Variants in PTPRK observed in about 807,000 individuals in gnomAD.
PTPRK encodes the protein receptor-type tyrosine-protein phosphatase kappa.
Under a neutral mutation model 178.0 loss-of-function variants are expected in PTPRK, and 75 were observed. That is an observed-to-expected ratio of 0.42 (90% CI 0.35 to 0.51). The LOEUF is 0.51. Ranked by LOEUF, PTPRK falls within the 20% of genes least tolerant of loss-of-function variation. The pLI, the probability that PTPRK is intolerant of heterozygous loss-of-function variation, is 0.02. For synonymous variants in PTPRK, 637 were observed against 620.6 expected, an observed-to-expected ratio of 1.03 and a Z score of -0.39; for missense variants, 1,441 against 1,797.8, an observed-to-expected ratio of 0.80 and a Z score of 3.59.
chr6:128,275,068 C>A (rs1184100858), intron 3 of PTPRK, among the ~76,000 whole-genome samples: 2 of 152,010 alleles, frequency 1.3e-5, no homozygotes, highest in Non-Finnish European at 2.9e-5. Context: ...ACTTACCATG[C>A]ATATTTCCTT....
chr6:128,008,571 C>T (rs1044347043), intron 14 of PTPRK, among the ~76,000 whole-genome samples: 10 of 151,046 alleles, frequency 6.6e-5, no homozygotes, highest in Admixed American at 5.3e-4. Flanking sequence ...CTTCAAGTAA[C>T]GTCAGAAGAT....
At position 128,049,075 on chromosome 6, in the gene PTPRK, T is replaced by TA. The variant is rs374663139; in HGVS notation, c.2194+15682dup. ...GAATAGACAAGAAACATTATTAAATTAAAAAAAACCTCTTTCACCATAAAT... is the reference window on the plus strand; with the variant it reads ...GAATAGACAAGAAACATTATTAAATTAAAAAAAAACCTCTTTCACCATAAAT... On this transcript the variant is annotated intron_variant, in intron 13 of 29. Transcript: ENST00000368226. Among the ~76,000 whole-genome samples the TA allele has an allele frequency of 6.6e-3, 1,001 of 152,116 alleles. 17 individuals are homozygous for TA. Among genetic ancestry groups the TA allele is most frequent in the African/African-American group, 0.023 (957 of 41,532 alleles).
chr6:128,061,307 G>A (rs1780773293), intron 13 of PTPRK, among the ~76,000 whole-genome samples: 1 of 152,004 alleles, frequency 6.6e-6, no homozygotes. Context: ...CATTTGGAAT[G>A]TTTTAAGTTT....
At chr6:128,012,156 C>CT (rs1477099983) in intron 13 of PTPRK, among the ~76,000 whole-genome samples, 1 of 151,252 alleles carries the variant, frequency 6.6e-6, no homozygotes, top group African/African-American at 2.4e-5. Flanking sequence ...TCCTCAAAGT[C>CT]TTTAGCTGTG....
intron 2 of PTPRK, among the ~76,000 whole-genome samples, chr6:128,349,107 C>T (rs1015173365): frequency 4.6e-5 from 7 of 152,108 alleles, no homozygotes; most frequent in South Asian, 4.1e-4. Context: ...AGACAAAATT[C>T]CCAAGAGAAA....
intron 2 of PTPRK, among the ~76,000 whole-genome samples, chr6:128,341,963 G>T (rs764503391): frequency 9.9e-5 from 15 of 152,124 alleles, no homozygotes; most frequent in Non-Finnish European, 1.5e-4. Context: ...GCATAAGAAG[G>T]TATATACGGC....
At chr6:128,244,768 C>T (rs9385455) in intron 3 of PTPRK, among the ~76,000 whole-genome samples, 15,316 of 152,042 alleles carry the variant, frequency 0.1, 1,716 homozygotes, top group East Asian at 0.34. Flanking sequence ...AAACCTCTAG[C>T]AGGAGGAGGT....
chr6:128,159,203 A>G (rs774683053), intron 7 of PTPRK, among the ~76,000 whole-genome samples: 2 of 151,892 alleles, frequency 1.3e-5, no homozygotes, highest in Non-Finnish European at 2.9e-5. Flanking sequence ...CATTACAGAA[A>G]AAAAGAAATT....
At chr6:128,250,066 G>A (rs376904239) in intron 3 of PTPRK, among the ~76,000 whole-genome samples, 14 of 152,066 alleles carry the variant, frequency 9.2e-5, no homozygotes, top group East Asian at 3.9e-4. Context: ...TTCCGTTTTC[G>A]CTTGATTCTC....
At position 128,519,930 on chromosome 6, in the gene PTPRK, C is replaced by G. The variant is rs1038577610; in HGVS notation, c.100+329G>C. ...ACCCGCACCACAAGCAACAGAGTGC[C>G]GTCACGGGAGTCGTAACTACTTTTT... is the stretch of plus-strand genomic sequence containing the variant. On this transcript the variant is annotated intron_variant, in intron 1 of 29. Transcript: ENST00000368226. This position sits in a 1 kb window ranked among gnomAD's most constrained non-coding sequence, Gnocchi z 4.3. 6.6e-6 allele frequency among the ~76,000 whole-genome samples: 1 copy of G among 152,184 alleles called. No individual in the cohort carries two copies. The highest frequency in any genetic ancestry group is 1.5e-5 in the Non-Finnish European group (1 of 68,050).
intron 3 of PTPRK, among the ~76,000 whole-genome samples, chr6:128,290,503 T>G (rs937073241): frequency 1.3e-5 from 2 of 151,978 alleles, no homozygotes; most frequent in Non-Finnish European, 2.9e-5. Flanking sequence ...GTGTCAGAAA[T>G]CCTTGGTATG....
At chr6:128,229,189 T>C (rs1811899586) in intron 5 of PTPRK, among the ~76,000 whole-genome samples, 1 of 152,208 alleles carries the variant, frequency 6.6e-6, no homozygotes, top group African/African-American at 2.4e-5. Flanking sequence ...GAAGAAAGTA[T>C]ATTATCCATG....
chr6:128,352,978 T>G (rs1833399441), intron 2 of PTPRK, among the ~76,000 whole-genome samples: 1 of 152,196 alleles, frequency 6.6e-6, no homozygotes, highest in Non-Finnish European at 1.5e-5. Context: ...AAACTCACAG[T>G]TATTTACCAT....
At chr6:128,258,826 T>G (rs1372705778) in intron 3 of PTPRK, among the ~76,000 whole-genome samples, 1 of 152,168 alleles carries the variant, frequency 6.6e-6, no homozygotes, top group East Asian at 1.9e-4. Flanking sequence ...GCACAAAGAC[T>G]TTGAGATACG....
intron 5 of PTPRK, chr6:128,230,906 G>A (rs1317204811): frequency 2.0e-5 from 3 of 152,078 alleles, no homozygotes; most frequent in East Asian, 1.9e-4. Context: ...AATATTATAC[G>A]CATTATTCAT....
intron 3 of PTPRK, among the ~76,000 whole-genome samples, chr6:128,251,548 G>T (rs912694475): frequency 1.3e-5 from 2 of 152,114 alleles, no homozygotes; most frequent in Non-Finnish European, 2.9e-5. Context: ...GGAGTAACTA[G>T]GGCTCCAGAG....
intron 11 of PTPRK, among the ~76,000 whole-genome samples, chr6:128,072,846 G>A (rs1416848475): frequency 2.0e-5 from 3 of 152,002 alleles, no homozygotes; most frequent in African/African-American, 7.2e-5. Context: ...TGACATGGGG[G>A]TAGAAGTCAC....
Position 128,256,870 on chromosome 6 carries a change from G to A in PTPRK, c.496-14268C>T, listed in dbSNP as rs540392197. On this transcript the variant is annotated intron_variant, in intron 3 of 29. Transcript: ENST00000368226. ...GTGTATTTGCAAAAGACTGACAAGAGGAAATATAATGAGCTATTGGCACAA... is the reference window on the plus strand; with the variant it reads ...GTGTATTTGCAAAAGACTGACAAGAAGAAATATAATGAGCTATTGGCACAA... Among the ~76,000 whole-genome samples, 6 of 152,274 alleles carry A rather than the reference G, an allele frequency of 3.9e-5. No homozygotes were observed. The South Asian group carries it at 1.0e-3, about 26-fold the overall frequency.
intron 2 of PTPRK, among the ~76,000 whole-genome samples, chr6:128,326,573 T>C (rs1829598615): frequency 6.6e-6 from 1 of 152,172 alleles, no homozygotes; most frequent in Non-Finnish European, 1.5e-5. Flanking sequence ...TTACAATATG[T>C]TAAGTAAAAT....
Sources: gnomAD v4.1 joint callset for allele counts (sites outside exome capture counted in the v4.1 genomes callset) on GRCh38, gnomAD v4.1.1 for gene constraint, Gnocchi (gnomAD v3.1) non-coding constraint, MANE v1.5 for transcripts, NCBI Gene and HGNC (gene_info 2026-07-23, HGNC 2026-07-21) for gene names.